SUMF1: variants seen among roughly 807,000 people sequenced by gnomAD.
The protein encoded by SUMF1 is sulfatase modifying factor 1.
Under a neutral mutation model 47.6 loss-of-function variants are expected in SUMF1, and 48 were observed. The observed-to-expected ratio is 1.01, with a 90% CI of 0.80 to 1.28. The LOEUF (loss-of-function observed/expected upper bound fraction) is 1.28. Ranked by LOEUF, SUMF1 falls within the 50% of genes most tolerant of loss-of-function variation. The pLI is 0.00. For synonymous variants in SUMF1, 230 were observed against 192.1 expected, an observed-to-expected ratio of 1.20 and a Z score of -1.63; for missense variants, 571 against 485.4, an observed-to-expected ratio of 1.18 and a Z score of -1.66.
chr3:4,106,228 C>T lies in SUMF1; in HGVS notation c.1015-37483G>A, dbSNP rs73809310. On this transcript the variant is annotated intron_variant and NMD_transcript_variant, in intron 8 of 12. Coordinates refer to the SUMF1 transcript ENST00000448413. ...ATTTTTGAGGTTTAGGCTATGTGAT[C>T]GGGCATCAAAATGGAATTTTAACAG... 7.0e-3 allele frequency among the ~76,000 whole-genome samples: 1,063 copies of T among 151,980 alleles called. 28 individuals carry two copies. Among genetic ancestry groups the T allele is most frequent in the African/African-American group, 0.025 (1,019 of 41,434 alleles).
At chr3:4,297,564 A>ATTTTTTTTTT in intron 8 of SUMF1, among the ~76,000 whole-genome samples, 1 of 113,878 alleles carries the variant, frequency 8.8e-6, no homozygotes, top group South Asian at 2.9e-4. Context: ...CTACACCTGA[A>ATTTTTTTTTT]TTTTTTTTTT....
At chr3:4,341,843 A>ATG (rs966267590) in intron 8 of SUMF1, among the ~76,000 whole-genome samples, 1 of 152,134 alleles carries the variant, frequency 6.6e-6, no homozygotes, top group Non-Finnish European at 1.5e-5. Context: ...AACGCTATTT[A>ATG]TGTGTGTGTG....
intron 8 of SUMF1, among the ~76,000 whole-genome samples, chr3:4,370,071 G>A (rs576565962): frequency 2.0e-5 from 3 of 152,318 alleles, no homozygotes; most frequent in African/African-American, 4.8e-5. Context: ...GTTTCCAGGA[G>A]CAGTCACCTC....
At chr3:4,455,415 A>C (rs1703123117) in intron 1 of SUMF1, among the ~76,000 whole-genome samples, 1 of 152,208 alleles carries the variant, frequency 6.6e-6, no homozygotes, top group Non-Finnish European at 1.5e-5. Flanking sequence ...AGGAAACTGA[A>C]TAAATAATTT....
intron 8 of SUMF1, among the ~76,000 whole-genome samples, chr3:4,199,479 G>T (rs1285167415): frequency 2.0e-5 from 3 of 152,050 alleles, no homozygotes; most frequent in African/African-American, 7.2e-5. Context: ...TTCCTCTTGG[G>T]CAAATACATA....
intron 8 of SUMF1, among the ~76,000 whole-genome samples, chr3:4,250,047 A>G (rs954104664): frequency 2.0e-5 from 3 of 151,976 alleles, no homozygotes; most frequent in African/African-American, 4.8e-5. Context: ...AGCCAGGCAT[A>G]GTGGCACACA....
chr3:4,214,687 T>C (rs556468815), intron 8 of SUMF1, among the ~76,000 whole-genome samples: 1 of 151,432 alleles, frequency 6.6e-6, no homozygotes, highest in Admixed American at 6.6e-5. Flanking sequence ...GAACCAAATA[T>C]ATGCAATAAA....
At chr3:4,304,371 A>G (rs1031402450) in intron 8 of SUMF1, among the ~76,000 whole-genome samples, 34 of 152,006 alleles carry the variant, frequency 2.2e-4, no homozygotes, top group Admixed American at 8.5e-4. Flanking sequence ...CGAACTCCCA[A>G]CCTCAGGTGA....
chr3:4,438,210 AT>A (rs1280110021), intron 3 of SUMF1, among the ~76,000 whole-genome samples: 2 of 123,972 alleles, frequency 1.6e-5, no homozygotes, highest in African/African-American at 6.0e-5. Flanking sequence ...TTCAATATTA[AT>A]TTCAATAGCT....
chr3:4,341,555 A>T (rs540195715), intron 8 of SUMF1, among the ~76,000 whole-genome samples: 39 of 152,242 alleles, frequency 2.6e-4, no homozygotes, highest in African/African-American at 7.2e-4. Flanking sequence ...ATCTTTTTTT[A>T]AAAAAATTCC....
At chr3:4,375,732 G>A (rs1478163468) in intron 8 of SUMF1, among the ~76,000 whole-genome samples, 1 of 152,056 alleles carries the variant, frequency 6.6e-6, no homozygotes, top group Non-Finnish European at 1.5e-5. Flanking sequence ...AAAAGGGAAG[G>A]GATGGTATTC....
chr3:4,157,778 A>C (rs1004860610), intron 8 of SUMF1, among the ~76,000 whole-genome samples: 4 of 151,582 alleles, frequency 2.6e-5, no homozygotes, highest in Non-Finnish European at 4.4e-5. Flanking sequence ...GGCATCTATT[A>C]GTAATTACTT....
At chr3:4,376,089 G>T (rs1055035447) in intron 8 of SUMF1, among the ~76,000 whole-genome samples, 5 of 152,224 alleles carry the variant, frequency 3.3e-5, no homozygotes, top group Non-Finnish European at 7.3e-5. Context: ...TCTCAAAGGG[G>T]CAAGATTCAA....
intron 8 of SUMF1, among the ~76,000 whole-genome samples, chr3:4,354,832 C>G (rs1333305542): frequency 6.6e-6 from 1 of 152,202 alleles, no homozygotes; most frequent in Non-Finnish European, 1.5e-5. Flanking sequence ...GCACTTATCC[C>G]AGTATCTGGG....
At chr3:4,068,163 T>C (rs2125032873) in intron 9 of SUMF1, among the ~76,000 whole-genome samples, 1 of 152,270 alleles carries the variant, frequency 6.6e-6, no homozygotes, top group East Asian at 1.9e-4. Flanking sequence ...CTTACATTGA[T>C]AAGTGAAATC....
intron 7 of SUMF1, among the ~76,000 whole-genome samples, chr3:4,399,828 G>A (rs1701151403): frequency 6.6e-6 from 1 of 152,142 alleles, no homozygotes; most frequent in South Asian, 2.1e-4. Context: ...CGCGATCTCG[G>A]CTCACTGTAA....
At chr3:4,291,306 A>G (rs538353463) in intron 8 of SUMF1, among the ~76,000 whole-genome samples, 2 of 152,218 alleles carry the variant, frequency 1.3e-5, no homozygotes, top group Admixed American at 1.3e-4. Context: ...TTAATTATAA[A>G]TAATCCAGAT....
At chr3:4,248,331 G>C (rs1469275824) in intron 8 of SUMF1, among the ~76,000 whole-genome samples, 1 of 152,128 alleles carries the variant, frequency 6.6e-6, no homozygotes, top group Non-Finnish European at 1.5e-5. Flanking sequence ...TTAAGGAGGG[G>C]GAGAAAAGGT....
intron 8 of SUMF1, among the ~76,000 whole-genome samples, chr3:4,194,318 T>C (rs1281553946): frequency 1.3e-5 from 2 of 152,172 alleles, no homozygotes; most frequent in Non-Finnish European, 2.9e-5. Context: ...CAATATTTCT[T>C]ATAACCAAGC....
Sources: allele counts gnomAD v4.1 joint callset (sites outside exome capture counted in the v4.1 genomes callset), GRCh38; gene constraint gnomAD v4.1.1; transcripts MANE v1.5; gene names NCBI Gene and HGNC (gene_info 2026-07-23, HGNC 2026-07-21).